The following FKBP9 variants were observed in gnomAD, a reference collection of about 807,000 sequenced individuals.
FKBP9 encodes the protein FKBP prolyl isomerase 9.
In FKBP9, 27 loss-of-function variants were observed where a neutral mutation model predicts 55.6. The observed-to-expected ratio is 0.49, with a 90% confidence interval of 0.36 to 0.67. The LOEUF is 0.67. Among genes scored for constraint, FKBP9 ranks in the 30% least tolerant of loss-of-function variants. The pLI, the probability that FKBP9 is intolerant of heterozygous loss-of-function variation, is 0.00. For synonymous variants in FKBP9, 267 were observed against 296.5 expected, an observed-to-expected ratio of 0.90 and a Z score of 1.02; for missense variants, 539 against 742.8, an observed-to-expected ratio of 0.73 and a Z score of 3.19.
At chr7:32,967,371 C>T (rs1365453124) in intron 1 of FKBP9, among the ~76,000 whole-genome samples, 1 of 152,230 alleles carries the variant, frequency 6.6e-6, no homozygotes, top group East Asian at 1.9e-4. Context: ...CACTGAACAA[C>T]TTCTCTGCAT....
In FKBP9 at chr7:32,961,225, G is replaced by C. The variant is rs538590620; in HGVS notation, c.221+3431G>C. ...AGGATGATGAAAATTCACCTGGGAG[G>C]AGCTCAGGGGTGTGTCTGCAGACCC... On this transcript the variant is annotated intron_variant, in intron 1 of 9. Coordinates refer to ENST00000242209, the MANE Select transcript of FKBP9 (RefSeq NM_007270.5). Among the ~76,000 whole-genome samples the C allele has an allele frequency of 1.3e-4, 20 of 152,284 alleles. No homozygotes were observed. The South Asian group carries it at 4.2e-3, about 32-fold the overall frequency.
At chr7:32,971,456 CCTTT>C (rs1222185227) in intron 1 of FKBP9, among the ~76,000 whole-genome samples, 1 of 151,864 alleles carries the variant, frequency 6.6e-6, no homozygotes, top group Non-Finnish European at 1.5e-5. Context: ...TTCCTTTCTT[CCTTT>C]CTTTCTTCCT....
intron 1 of FKBP9, among the ~76,000 whole-genome samples, chr7:32,971,015 G>A (rs2127978951): frequency 6.6e-6 from 1 of 150,634 alleles, no homozygotes; most frequent in South Asian, 2.1e-4. Flanking sequence ...TCTCAGCTGT[G>A]CACAACCCCA....
chr7:32,973,695 T>G (rs867089501), intron 1 of FKBP9, among the ~76,000 whole-genome samples: 9 of 125,340 alleles, frequency 7.2e-5, no homozygotes, highest in South Asian at 2.8e-4. Flanking sequence ...TTTTTTTTTT[T>G]TTTTTTTTTT....
At chr7:32,964,201 A>C (rs1412476075) in intron 1 of FKBP9, among the ~76,000 whole-genome samples, 3 of 152,218 alleles carry the variant, frequency 2.0e-5, no homozygotes, top group Non-Finnish European at 4.4e-5. Flanking sequence ...GCTACTTCTC[A>C]CTGTGGTCTC....
chr7:32,989,996 T>C, intron 6 of FKBP9, among the ~76,000 whole-genome samples: 1 of 127,980 alleles, frequency 7.8e-6, no homozygotes, highest in Admixed American at 7.6e-5. Context: ...TCAAAAGCAA[T>C]TTTTTTTTTT....
intron 7 of FKBP9, among the ~76,000 whole-genome samples, chr7:32,999,612 T>C (rs1166405197): frequency 6.6e-6 from 1 of 152,194 alleles, no homozygotes; most frequent in African/African-American, 2.4e-5. Flanking sequence ...AAAACGTCCC[T>C]GTGAGATAGC....
Position 32,979,410 on chromosome 7 carries a change from C to T in FKBP9, c.704-954C>T, listed in dbSNP as rs542293043. The T allele has an allele frequency of 3.1e-4, 263 of 860,962 alleles. No homozygotes were observed. The African/African-American group carries it at 3.3e-3, about 11-fold the overall frequency. 53.3% of individuals were successfully genotyped at this position (860,962 alleles called of 1,614,324 possible). On this transcript the variant is annotated intron_variant, in intron 4 of 9. Transcript: ENST00000242209. ...GCATGCGATTTAGGGATTGACCACACCTTGCATTCCAGGGGCTGACTCAGC... is the reference window on the plus strand; with the variant it reads ...GCATGCGATTTAGGGATTGACCACATCTTGCATTCCAGGGGCTGACTCAGC...
At chr7:32,971,348 AT>A (rs1784249072) in intron 1 of FKBP9, among the ~76,000 whole-genome samples, 1 of 152,198 alleles carries the variant, frequency 6.6e-6, no homozygotes, top group Non-Finnish European at 1.5e-5. Flanking sequence ...TTTCAGAAAG[AT>A]TTTTTGGTTT....
intron 6 of FKBP9, among the ~76,000 whole-genome samples, chr7:32,990,615 C>A (rs577728083): frequency 1.3e-5 from 2 of 152,266 alleles, no homozygotes; most frequent in East Asian, 3.9e-4. Context: ...ATTGTCTATG[C>A]GTATTACTTT....
At chr7:32,999,596 C>T (rs1435776348) in intron 7 of FKBP9, among the ~76,000 whole-genome samples, 4 of 151,466 alleles carry the variant, frequency 2.6e-5, no homozygotes, top group East Asian at 3.9e-4. Flanking sequence ...ATGTTATTTG[C>T]GATTTAAAAC....
intron 1 of FKBP9, among the ~76,000 whole-genome samples, chr7:32,968,816 C>T (rs1409998195): frequency 6.6e-6 from 1 of 151,590 alleles, no homozygotes; most frequent in East Asian, 1.9e-4. Flanking sequence ...TGCCACCATG[C>T]CTGGCTAATT....
intron 6 of FKBP9, among the ~76,000 whole-genome samples, chr7:32,991,303 C>G (rs2392183): frequency 0.94 from 142,242 of 151,812 alleles, 66,814 homozygotes; most frequent in African/African-American, 0.98. Context: ...CAATGAGACT[C>G]CTTCATCCTG....
At chr7:32,963,627 G>A (rs1396471425) in intron 1 of FKBP9, 1 of 1,459,838 alleles carries the variant, frequency 6.9e-7, no homozygotes, top group East Asian at 2.8e-5. Flanking sequence ...CCGTCCTGCA[G>A]ACTTAAGCAG....
chr7:32,972,748 C>G (rs1404153158), intron 1 of FKBP9, among the ~76,000 whole-genome samples: 23 of 151,984 alleles, frequency 1.5e-4, no homozygotes, highest in Admixed American at 6.6e-5. Context: ...GACAAAGTTT[C>G]ACTCTGTCAC....
intron 1 of FKBP9, among the ~76,000 whole-genome samples, chr7:32,970,079 G>A (rs1412031091): frequency 1.3e-5 from 2 of 151,620 alleles, no homozygotes; most frequent in African/African-American, 2.4e-5. Context: ...TCAGGATTTT[G>A]GTAGGAATTG....
chr7:32,975,058 A>T (rs1346377871), intron 2 of FKBP9, 124 bp from the exon 3 acceptor site: 9 of 758,654 alleles, frequency 1.2e-5, no homozygotes, highest in Admixed American at 8.3e-5. Flanking sequence ...TCATTTTGGG[A>T]TTGTATAGCG....
At chr7:32,997,567 T>C (rs1784842898) in intron 7 of FKBP9, among the ~76,000 whole-genome samples, 1 of 152,202 alleles carries the variant, frequency 6.6e-6, no homozygotes, top group Admixed American at 6.5e-5. Context: ...CGGTGGCTCA[T>C]GCCTGTAATC....
At chr7:32,957,840 C>A in intron 1 of FKBP9, 46 bp downstream of exon 1, 4 of 1,351,366 alleles carry the variant, frequency 3.0e-6, no homozygotes, top group Non-Finnish European at 3.8e-6. Flanking sequence ...GATGCGCGTC[C>A]CTCTCTCCGG....
Sources: gnomAD v4.1 joint callset for allele counts (sites outside exome capture counted in the v4.1 genomes callset) on GRCh38, gnomAD v4.1.1 for gene constraint, MANE v1.5 for transcripts, NCBI Gene and HGNC (gene_info 2026-07-23, HGNC 2026-07-21) for gene names.